GK5: variants seen among roughly 807,000 people sequenced by gnomAD.
GK5 encodes the protein ATP:glycerol 3-phosphotransferase 5.
A neutral mutation model predicts 77.3 loss-of-function variants in GK5; 39 were observed. The ratio of observed to expected loss-of-function variants is 0.50; its 90% CI spans 0.39 to 0.66. The LOEUF (loss-of-function observed/expected upper bound fraction) is 0.66. GK5 is among the 30% of genes least tolerant of loss of function. The pLI is 0.00. For missense variants in GK5, 487 were observed against 633.8 expected, an observed-to-expected ratio of 0.77 and a Z score of 2.49; for synonymous variants, 211 against 208.0, an observed-to-expected ratio of 1.01 and a Z score of -0.13.
chr3:142,204,160 G>A (rs556456450), intron 4 of GK5: 1 of 176,070 alleles, frequency 5.7e-6, no homozygotes, highest in South Asian at 1.4e-4. Context: ...CAGGGACTAG[G>A]GGTCCACACC....
At chr3:142,198,718 T>C (rs751890988) in intron 5 of GK5, 84 bp downstream of exon 5, 28 of 1,168,912 alleles carry the variant, frequency 2.4e-5, no homozygotes, top group Non-Finnish European at 3.3e-5. Flanking sequence ...ACTATCTTTA[T>C]TCCTTTAATT....
chr3:142,171,170 G>A (rs531197948), intron 14 of GK5, among the ~76,000 whole-genome samples: 1 of 152,212 alleles, frequency 6.6e-6, no homozygotes, highest in East Asian at 1.9e-4. Flanking sequence ...AGTAGAGGTT[G>A]CAGTGAGCCG....
At chr3:142,192,226 A>G (rs928107960) in intron 5 of GK5, among the ~76,000 whole-genome samples, 1 of 152,228 alleles carries the variant, frequency 6.6e-6, no homozygotes, top group Non-Finnish European at 1.5e-5. Flanking sequence ...GTTGGCAAGG[A>G]TACGGAGCAA....
In GK5 at chr3:142,205,375, CCAAGT is replaced by C. The variant is rs561553589; in HGVS notation, c.318-592_318-588del. On this transcript the variant is annotated intron_variant, in intron 3 of 15. Transcript: ENST00000392993. ...ACCTCTGGCATCTACTAATCAACAT[CCAAGT>C]CAAGTTTGCTTTCTACCCCAACTCC... Among the ~76,000 whole-genome samples the C allele has an allele frequency of 2.0e-5, 3 of 152,336 alleles. No homozygotes were observed. In the South Asian group the frequency reaches 6.2e-4, roughly 32 times the overall value.
At chr3:142,191,496 G>A (rs574362548) in intron 5 of GK5, among the ~76,000 whole-genome samples, 1 of 152,058 alleles carries the variant, frequency 6.6e-6, no homozygotes, top group South Asian at 2.1e-4. Flanking sequence ...TTGAGCTCAA[G>A]AGTTTGAGGA....
Position 142,165,457 on chromosome 3 carries a change from GT to G in GK5, c.*164del, listed in dbSNP as rs68066632. ...CATGGTTTAGGGGAAAAAAATAAGAGTTTTTTGTTCCGTTTTGTTTTTTTAA... is the reference window on the plus strand; with the variant it reads ...CATGGTTTAGGGGAAAAAAATAAGAGTTTTTGTTCCGTTTTGTTTTTTTAA... On this transcript the variant is annotated 3_prime_UTR_variant, in exon 16 of 16. Transcript: ENST00000392993. The G allele has an allele frequency of 0.074, 35,672 of 484,920 alleles. 1,396 individuals are homozygous for G. The highest frequency in any genetic ancestry group is 0.098 in the East Asian group (2,933 of 29,778). 30.0% of individuals were successfully genotyped at this position (484,920 alleles called of 1,614,324 possible).
At chr3:142,184,347 C>A (rs1426925897) in intron 9 of GK5, among the ~76,000 whole-genome samples, 2 of 134,810 alleles carry the variant, frequency 1.5e-5, no homozygotes, top group Non-Finnish European at 3.2e-5. Context: ...TTTCAACTAA[C>A]ATTTGTTTCA....
At chr3:142,211,726 C>T (rs909376386) in intron 3 of GK5, among the ~76,000 whole-genome samples, 1 of 152,208 alleles carries the variant, frequency 6.6e-6, no homozygotes. Context: ...CCCACGAGTT[C>T]GAGGCTGCAG....
rs1312045293 is a variant in GK5 at position 142,161,942 on chromosome 3, T to A, written c.*3680A>T. Reference sequence around the variant, plus strand: ...AGCCCCCTAATTAGCTGGGACTATATGTGTGTGTCACCACACCCAGCTAAT... The same window carrying A: ...AGCCCCCTAATTAGCTGGGACTATAAGTGTGTGTCACCACACCCAGCTAAT... On this transcript the variant is annotated 3_prime_UTR_variant, in exon 16 of 16. Transcript: ENST00000392993. 1 of 152,110 alleles carries A rather than the reference T, an allele frequency of 6.6e-6. No individual in the cohort carries two copies. 9.4% of individuals were successfully genotyped at this position (152,110 alleles called of 1,614,324 possible).
intron 5 of GK5, among the ~76,000 whole-genome samples, chr3:142,195,227 G>T (rs1345982226): frequency 1.3e-5 from 2 of 151,752 alleles, no homozygotes; most frequent in Non-Finnish European, 2.9e-5. Context: ...TTGATTTTTT[G>T]AATGGTAAAC....
intron 13 of GK5, among the ~76,000 whole-genome samples, chr3:142,171,849 T>A (rs2063543806): frequency 6.6e-6 from 1 of 152,164 alleles, no homozygotes; most frequent in South Asian, 2.1e-4. Context: ...ATAAAAACAA[T>A]TACTTTGTAA....
intron 15 of GK5, among the ~76,000 whole-genome samples, chr3:142,168,726 AC>A (rs935264062): frequency 1.2e-4 from 5 of 43,374 alleles, no homozygotes; most frequent in African/African-American, 2.6e-4. Flanking sequence ...TATGGTCCCC[AC>A]CCCCCCACCC....
chr3:142,165,637 C>A lies in GK5; in HGVS notation c.1575G>T (p.Trp525Cys), dbSNP rs1428392893. Residue 525 changes from tryptophan (W) to cysteine (C), a missense_variant, in exon 16 of 16, where the codon TGG becomes TGT. Physicochemically the swap from Trp to Cys is radical, Grantham distance 215. This residue lies in a region of GK5 where 65 missense variants were observed against 89.9 expected (regional missense o/e 0.72). Transcript: ENST00000392993. ...WAKAVKRSMN[W>C]YNKT ...TCATTTAGTGTTATGTCTTGTTATACCAATTCATGGAGCGTTTCACTGCTT... is the reference window on the plus strand; with the variant it reads ...TCATTTAGTGTTATGTCTTGTTATAACAATTCATGGAGCGTTTCACTGCTT... 1 of 1,610,376 alleles carries A rather than the reference C, an allele frequency of 6.2e-7. No homozygotes were observed. Among genetic ancestry groups the A allele is most frequent in the East Asian group, 2.2e-5 (1 of 44,796 alleles).
intron 12 of GK5, chr3:142,173,199 T>TAA (rs542376454): frequency 8.7e-3 from 3,320 of 379,766 alleles, no homozygotes; most frequent in South Asian, 0.013. Context: ...AGACAGGGTC[T>TAA]AAAAAAAAAA....
At chr3:142,209,671 A>T (rs1383543600) in intron 3 of GK5, among the ~76,000 whole-genome samples, 1 of 151,970 alleles carries the variant, frequency 6.6e-6, no homozygotes, top group African/African-American at 2.4e-5. Context: ...GTAAGTATCA[A>T]ATACTACAAT....
intron 10 of GK5, among the ~76,000 whole-genome samples, chr3:142,181,925 T>C (rs62282073): frequency 0.074 from 11,316 of 152,300 alleles, 586 homozygotes; most frequent in Middle Eastern, 0.17. Flanking sequence ...ATAAATATTT[T>C]ACTTGAGAAA....
intron 3 of GK5, among the ~76,000 whole-genome samples, chr3:142,209,150 A>G (rs1421472067): frequency 6.7e-6 from 1 of 148,498 alleles, no homozygotes; most frequent in Admixed American, 6.7e-5. Context: ...CTCCGCCTCA[A>G]AAAAAAAAAA....
Position 142,160,015 on chromosome 3 carries a change from T to A in GK5, c.*5607A>T, listed in dbSNP as rs1470109970. ...GGCACATGCCATCAGGACTGGCTAA[T>A]TTTTGTATTTTTAGTAGAGATGGGG... On this transcript the variant is annotated 3_prime_UTR_variant, in exon 16 of 16. Coordinates refer to ENST00000392993, the MANE Select transcript of GK5 (RefSeq NM_001039547.3). The A allele has an allele frequency of 6.6e-6, 1 of 152,160 alleles. No homozygotes were observed. The highest frequency in any genetic ancestry group is 1.5e-5 in the Non-Finnish European group (1 of 68,064). 9.4% of individuals were successfully genotyped at this position (152,160 alleles called of 1,614,324 possible).
At position 142,158,423 on chromosome 3, in the gene GK5, A is replaced by G. The variant is rs1039871609; in HGVS notation, c.*7199T>C. The G allele has an allele frequency of 6.6e-6, 1 of 152,472 alleles. No homozygotes were observed. Among genetic ancestry groups the G allele is most frequent in the African/African-American group, 2.4e-5 (1 of 41,438 alleles). The allele number at this position is 152,472 out of a possible 1,614,324, so 9.4% of individuals were successfully genotyped here. On this transcript the variant is annotated 3_prime_UTR_variant, in exon 16 of 16. Coordinates refer to ENST00000392993, the MANE Select transcript of GK5 (RefSeq NM_001039547.3). ...TGCAGAAACCAAAACAGGTAATAGT[A>G]TTTAATAAGAATGTCCTGGTAATTT...
Sources: allele counts gnomAD v4.1 joint callset (sites outside exome capture counted in the v4.1 genomes callset), GRCh38; gene constraint gnomAD v4.1.1; regional missense constraint gnomAD v4.1.1; transcripts MANE v1.5; gene names NCBI Gene and HGNC (gene_info 2026-07-23, HGNC 2026-07-21).